Variants in PPP6R3 observed in about 807,000 individuals in gnomAD.
PPP6R3 encodes the protein protein phosphatase 6 regulatory subunit 3.
A neutral mutation model predicts 110.7 loss-of-function variants in PPP6R3; 38 were observed. The ratio of observed to expected loss-of-function variants is 0.34; its 90% CI spans 0.26 to 0.45. PPP6R3 has a LOEUF of 0.45. Ranked by LOEUF, PPP6R3 falls within the 20% of genes least tolerant of loss-of-function variation. The probability of loss-of-function intolerance (pLI) is 1.00; values close to 1 mark genes in which losing one functional copy is unlikely to be tolerated. For missense variants in PPP6R3, 870 were observed against 1,062.4 expected, an observed-to-expected ratio of 0.82 and a Z score of 2.52; for synonymous variants, 369 against 373.5, an observed-to-expected ratio of 0.99 and a Z score of 0.14.
chr11:68,547,499 C>G (rs2099353970), intron 4 of PPP6R3, among the ~76,000 whole-genome samples: 2 of 152,210 alleles, frequency 1.3e-5, no homozygotes, highest in African/African-American at 2.4e-5. Flanking sequence ...TTCAGGGTAG[C>G]TCTCTGCCTC....
chr11:68,525,138 C>G (rs1301602229), intron 2 of PPP6R3, among the ~76,000 whole-genome samples: 1 of 152,184 alleles, frequency 6.6e-6, no homozygotes, highest in Non-Finnish European at 1.5e-5. Context: ...TAGCTCTGGT[C>G]TTCAGTAGTA....
At position 68,564,300 on chromosome 11, in the gene PPP6R3, A is replaced by C; in HGVS notation, c.846-3A>C. The C allele has an allele frequency of 6.3e-7, 1 of 1,598,602 alleles. No homozygotes were observed. The highest frequency in any genetic ancestry group is 1.1e-5 in the South Asian group (1 of 88,436). Reference sequence around the variant, plus strand: ...TAACTAAAATTCCTTGCTTTGTTTCAAGATTTGAAGGCCATATAGAGATCT... The same window carrying C: ...TAACTAAAATTCCTTGCTTTGTTTCCAGATTTGAAGGCCATATAGAGATCT... On this transcript the variant is annotated splice_region_variant and splice_polypyrimidine_tract_variant and intron_variant, in intron 8 of 23. Coordinates refer to ENST00000393800, the MANE Select transcript of PPP6R3 (RefSeq NM_001164161.2).
intron 10 of PPP6R3, among the ~76,000 whole-genome samples, chr11:68,567,984 A>G (rs1225554121): frequency 1.3e-5 from 2 of 152,078 alleles, no homozygotes; most frequent in Admixed American, 6.5e-5. Flanking sequence ...ATGCCCAGAG[A>G]GAGGATACAT....
In PPP6R3 at chr11:68,537,792, A is replaced by T; in HGVS notation, c.128A>T (p.Lys43Ile). The stretch of plus-strand genomic sequence containing the variant: ...CAGGAATGTAAAGCTCAGAACCGCA[A>T]ACTTATAGAGTTTCTGTTAAAAGCA... ...VLQECKAQNR[K>I]LIEFLLKAEC... The change falls in exon 3 of 24, where the codon AAA (lysine) becomes ATA (isoleucine). Residue 43 changes from lysine (K) to isoleucine (I), a missense_variant. Lys to Ile is a moderately radical substitution (Grantham distance 102, BLOSUM62 -3). Coordinates refer to ENST00000393800, the MANE Select transcript of PPP6R3 (RefSeq NM_001164161.2). 6.2e-7 allele frequency: 1 copy of T among 1,614,072 alleles called. No homozygotes were observed. The highest frequency in any genetic ancestry group is 8.5e-7 in the Non-Finnish European group (1 of 1,179,914).
intron 1 of PPP6R3, among the ~76,000 whole-genome samples, chr11:68,519,071 T>A (rs947829514): frequency 1.2e-4 from 19 of 152,236 alleles, no homozygotes; most frequent in African/African-American, 1.9e-4. Flanking sequence ...TCACGCTTCC[T>A]GATAAAACGT....
At chr11:68,513,993 G>C (rs1382161721) in intron 1 of PPP6R3, among the ~76,000 whole-genome samples, 1 of 152,138 alleles carries the variant, frequency 6.6e-6, no homozygotes, top group Admixed American at 6.5e-5. Flanking sequence ...AAAAGACATA[G>C]GTTGTAGATG....
chr11:68,485,319 G>T (rs2098940174), intron 1 of PPP6R3, among the ~76,000 whole-genome samples: 3 of 119,112 alleles, frequency 2.5e-5, no homozygotes. Flanking sequence ...TCTCCATCAT[G>T]TTGTCTGTCA....
chr11:68,561,139 G>A (rs2099418012), intron 8 of PPP6R3, among the ~76,000 whole-genome samples: 2 of 151,964 alleles, frequency 1.3e-5, no homozygotes, highest in African/African-American at 2.4e-5. Context: ...CACCCCCCTC[G>A]GCCTCCCAAA....
intron 3 of PPP6R3, among the ~76,000 whole-genome samples, chr11:68,539,267 A>G (rs1379898628): frequency 6.6e-6 from 1 of 152,194 alleles, no homozygotes; most frequent in Non-Finnish European, 1.5e-5. Context: ...GAGCTTGGGC[A>G]GGGAGCTTAC....
chr11:68,610,013 C>G lies in PPP6R3; in HGVS notation c.2560C>G (p.Pro854Ala). The G allele has an allele frequency of 6.2e-7, 1 of 1,613,890 alleles. No individual in the cohort carries two copies. The stretch of plus-strand genomic sequence containing the variant: ...GGCGCCCAGGCCTCCCAGCAGCAGT[C>G]CCGAGCAGAGGTAACCACCCGCCTC... The part of the protein sequence containing the change: ...CAAPRPPSSS[P>A]EQRTGQPSAP... Residue 854 changes from proline (P) to alanine (A), a missense_variant, in exon 23 of 24, where the codon CCC becomes GCC. Physicochemically the swap from Pro to Ala is conservative, Grantham distance 27 (BLOSUM62 -1). Coordinates refer to ENST00000393800, the MANE Select transcript of PPP6R3 (RefSeq NM_001164161.2).
chr11:68,539,438 G>GT (rs1468955949), intron 3 of PPP6R3, among the ~76,000 whole-genome samples: 2 of 152,208 alleles, frequency 1.3e-5, no homozygotes, highest in Non-Finnish European at 1.5e-5. Context: ...CTTCGTCAGT[G>GT]TTTTTGCCTT....
intron 1 of PPP6R3, among the ~76,000 whole-genome samples, chr11:68,508,370 T>C (rs1376544560): frequency 6.6e-6 from 1 of 152,014 alleles, no homozygotes; most frequent in Non-Finnish European, 1.5e-5. Flanking sequence ...GACCTCGTGA[T>C]CCACCCACCT....
chr11:68,601,743 C>A, intron 20 of PPP6R3, 120 bp from the exon 21 acceptor site: 1 of 757,532 alleles, frequency 1.3e-6, no homozygotes, highest in Non-Finnish European at 2.2e-6. Context: ...AACCCAGTGA[C>A]TCTTACACAG....
At chr11:68,564,235 C>A in intron 8 of PPP6R3, 68 bp from the exon 9 acceptor site, 2 of 1,454,528 alleles carry the variant, frequency 1.4e-6, no homozygotes, top group Non-Finnish European at 1.9e-6. Context: ...TAAAGACATA[C>A]ATGGTCGATA....
At chr11:68,461,832 T>G (rs2153210609) in intron 1 of PPP6R3, among the ~76,000 whole-genome samples, 1 of 152,278 alleles carries the variant, frequency 6.6e-6, no homozygotes, top group South Asian at 2.1e-4. Flanking sequence ...GGACGTTTAC[T>G]TTGATTTTGT....
At chr11:68,526,881 C>T (rs1336615933) in intron 2 of PPP6R3, among the ~76,000 whole-genome samples, 3 of 152,202 alleles carry the variant, frequency 2.0e-5, no homozygotes, top group East Asian at 3.8e-4. Context: ...TAGAGGAACA[C>T]GTTACTGTAG....
intron 19 of PPP6R3, among the ~76,000 whole-genome samples, chr11:68,597,373 G>T (rs1336013656): frequency 6.6e-6 from 1 of 152,178 alleles, no homozygotes; most frequent in African/African-American, 2.4e-5. Context: ...TGAGGTGGCG[G>T]GAGCGAAGGC....
At chr11:68,494,669 A>G (rs1441292251) in intron 1 of PPP6R3, among the ~76,000 whole-genome samples, 1 of 151,924 alleles carries the variant, frequency 6.6e-6, no homozygotes, top group Non-Finnish European at 1.5e-5. Flanking sequence ...CTGGGTTTCT[A>G]TTTCTTTGGT....
At chr11:68,481,875 C>A (rs994974413) in intron 1 of PPP6R3, among the ~76,000 whole-genome samples, 2 of 151,978 alleles carry the variant, frequency 1.3e-5, no homozygotes, top group African/African-American at 4.8e-5. Context: ...ACTCTTTATT[C>A]CTTCTAGATG....
Sources: gnomAD v4.1 joint callset for allele counts (sites outside exome capture counted in the v4.1 genomes callset) on GRCh38, gnomAD v4.1.1 for gene constraint, MANE v1.5 for transcripts, NCBI Gene and HGNC (gene_info 2026-07-23, HGNC 2026-07-21) for gene names.